NTM: variants seen among roughly 807,000 people sequenced by gnomAD.
The protein encoded by NTM is IgLON family member 2.
Under a neutral mutation model 42.1 loss-of-function variants are expected in NTM, and 13 were observed. That is an observed-to-expected ratio of 0.31 (90% CI 0.20 to 0.49). NTM has a LOEUF of 0.49. Among genes scored for constraint, NTM ranks in the 20% least tolerant of loss-of-function variants. NTM has a pLI of 0.99. For synonymous variants in NTM, 187 were observed against 179.2 expected, an observed-to-expected ratio of 1.04 and a Z score of -0.35; for missense variants, 373 against 452.8, an observed-to-expected ratio of 0.82 and a Z score of 1.60.
intron 4 of NTM, among the ~76,000 whole-genome samples, chr11:132,224,214 A>G (rs986503516): frequency 5.3e-5 from 8 of 152,160 alleles, no homozygotes; most frequent in African/African-American, 1.9e-4. Flanking sequence ...TTTTCTTGAG[A>G]AAGCTACCGA....
chr11:131,408,266 T>A (rs1326637658), intron 1 of NTM, among the ~76,000 whole-genome samples: 1 of 152,164 alleles, frequency 6.6e-6, no homozygotes, highest in African/African-American at 2.4e-5. Context: ...TGCAAAATAT[T>A]TGCTGAGATG....
At chr11:131,752,962 A>C (rs2082762104) in intron 1 of NTM, among the ~76,000 whole-genome samples, 1 of 152,158 alleles carries the variant, frequency 6.6e-6, no homozygotes, top group Non-Finnish European at 1.5e-5. Flanking sequence ...CAACCTACAA[A>C]ATGGGAGAAA....
chr11:131,815,420 G>A (rs1294336460), intron 1 of NTM, among the ~76,000 whole-genome samples: 1 of 152,130 alleles, frequency 6.6e-6, no homozygotes. Flanking sequence ...GCTGGGCTGT[G>A]CGCAAAGAGC....
chr11:132,246,023 G>C (rs1052728406), intron 4 of NTM, among the ~76,000 whole-genome samples: 3 of 152,196 alleles, frequency 2.0e-5, no homozygotes, highest in Non-Finnish European at 4.4e-5. Context: ...GAGCTGCCCC[G>C]GGCTAGAGGA....
chr11:132,132,906 C>T (rs1200575697), intron 2 of NTM, among the ~76,000 whole-genome samples: 1 of 152,138 alleles, frequency 6.6e-6, no homozygotes, highest in Non-Finnish European at 1.5e-5. Flanking sequence ...TTCCAGATGG[C>T]AGAAATCTTG....
intron 4 of NTM, among the ~76,000 whole-genome samples, chr11:132,242,086 T>C (rs966370395): frequency 5.9e-5 from 9 of 152,222 alleles, no homozygotes; most frequent in African/African-American, 9.6e-5. Flanking sequence ...TTCGGTTATT[T>C]TTCTCACGTT....
intron 1 of NTM, among the ~76,000 whole-genome samples, chr11:131,879,236 C>T (rs959110804): frequency 5.3e-5 from 8 of 152,150 alleles, no homozygotes; most frequent in African/African-American, 1.7e-4. Flanking sequence ...TATGGCCCAT[C>T]CCAGGGGTGC....
intron 1 of NTM, among the ~76,000 whole-genome samples, chr11:131,567,015 G>A (rs2056958334): frequency 6.6e-6 from 1 of 152,066 alleles, no homozygotes. Flanking sequence ...TGACCCTCAA[G>A]GTGGTCAGAG....
At chr11:131,716,758 C>T (rs1190712069) in intron 1 of NTM, among the ~76,000 whole-genome samples, 1 of 152,082 alleles carries the variant, frequency 6.6e-6, no homozygotes, top group African/African-American at 2.4e-5. Flanking sequence ...AGTATGGATG[C>T]ATTTCTGAAC....
At chr11:132,253,149 A>G (rs2092142969) in intron 4 of NTM, among the ~76,000 whole-genome samples, 1 of 152,172 alleles carries the variant, frequency 6.6e-6, no homozygotes, top group Non-Finnish European at 1.5e-5. Context: ...AACACATGCC[A>G]TGTCCTGGAG....
intron 1 of NTM, among the ~76,000 whole-genome samples, chr11:131,824,689 T>C (rs2041922747): frequency 6.6e-6 from 1 of 152,178 alleles, no homozygotes; most frequent in Non-Finnish European, 1.5e-5. Context: ...GATACACAAT[T>C]ATGAGCTGAA....
intron 4 of NTM, among the ~76,000 whole-genome samples, chr11:132,248,008 C>T (rs2091422532): frequency 6.6e-6 from 1 of 152,038 alleles, no homozygotes; most frequent in African/African-American, 2.4e-5. Context: ...ACCTGAAATG[C>T]CATTAAATGG....
At chr11:131,869,286 C>T (rs750280490) in intron 1 of NTM, among the ~76,000 whole-genome samples, 16 of 152,210 alleles carry the variant, frequency 1.1e-4, no homozygotes, top group Non-Finnish European at 2.4e-4. Flanking sequence ...TCCCCGCCTA[C>T]GCGCTATGAC....
chr11:132,037,219 G>A (rs1278103081), intron 2 of NTM, among the ~76,000 whole-genome samples: 1 of 151,932 alleles, frequency 6.6e-6, no homozygotes, highest in Non-Finnish European at 1.5e-5. Flanking sequence ...TATGAGATCT[G>A]CTTGTGGAAA....
chr11:132,063,214 A>G (rs1452654784), intron 2 of NTM, among the ~76,000 whole-genome samples: 2 of 152,100 alleles, frequency 1.3e-5, no homozygotes, highest in Non-Finnish European at 2.9e-5. Context: ...TACTCTCCTT[A>G]CCTAATTACC....
At chr11:131,445,850 C>A (rs1478891850) in intron 1 of NTM, among the ~76,000 whole-genome samples, 1 of 152,160 alleles carries the variant, frequency 6.6e-6, no homozygotes, top group Non-Finnish European at 1.5e-5. Context: ...CAGCCTGCCA[C>A]TTATTAGTTT....
chr11:131,980,632 T>G (rs1479066901), intron 2 of NTM, among the ~76,000 whole-genome samples: 2 of 152,188 alleles, frequency 1.3e-5, no homozygotes, highest in Non-Finnish European at 2.9e-5. Flanking sequence ...ACCCCACTAA[T>G]TCATATATTC....
intron 3 of NTM, among the ~76,000 whole-genome samples, chr11:132,194,979 C>T (rs973084573): frequency 9.2e-5 from 14 of 151,936 alleles, no homozygotes; most frequent in African/African-American, 2.9e-4. Context: ...TGTGCCACCA[C>T]GCCTGGCTAG....
At chr11:131,821,565 T>A (rs546496656) in intron 1 of NTM, among the ~76,000 whole-genome samples, 1 of 152,358 alleles carries the variant, frequency 6.6e-6, no homozygotes, top group South Asian at 2.1e-4. Context: ...AAAATGGGAA[T>A]GATTGTACAT....
Sources: allele counts gnomAD v4.1 joint callset (sites outside exome capture counted in the v4.1 genomes callset), GRCh38; gene constraint gnomAD v4.1.1; transcripts MANE v1.5; gene names NCBI Gene and HGNC (gene_info 2026-07-23, HGNC 2026-07-21).